Variants in CLEC18A observed in about 807,000 individuals in gnomAD.
CLEC18A encodes the protein mannose receptor-like 1.
CLEC18A carries 5 observed loss-of-function variants against 24.0 expected under a neutral mutation model. That is an observed-to-expected ratio of 0.21 (90% confidence interval 0.11 to 0.44). CLEC18A has a LOEUF of 0.44. Ranked by LOEUF, CLEC18A falls within the 20% of genes least tolerant of loss-of-function variation. The probability of loss-of-function intolerance (pLI) is 0.99; values close to 1 mark genes in which losing one functional copy is unlikely to be tolerated. For missense variants in CLEC18A, 83 were observed against 233.4 expected, an observed-to-expected ratio of 0.36 and a Z score of 4.20; for synonymous variants, 29 against 100.1, an observed-to-expected ratio of 0.29 and a Z score of 4.24.
At chr16:69,954,607 C>T in intron 3 of CLEC18A, 34 bp downstream of exon 3, 1 of 1,606,410 alleles carries the variant, frequency 6.2e-7, no homozygotes, top group Non-Finnish European at 8.5e-7. Flanking sequence ...AGTGTGCCAG[C>T]TCCCAGATAC....
At position 69,954,533 on chromosome 16, in the gene CLEC18A, G is replaced by T. The variant is rs763322283; in HGVS notation, c.416G>T (p.Gly139Val). ...AEGQRYSHAA[G>V]ECARNATCTH... Reference sequence around the variant, plus strand: ...GGGCAGCGGTACAGCCACGCGGCAGGAGAGTGTGCTCGCAACGCCACCTGC... The same window carrying T: ...GGGCAGCGGTACAGCCACGCGGCAGTAGAGTGTGCTCGCAACGCCACCTGC... Residue 139 changes from glycine to valine, a missense_variant, in exon 3 of 12, where the codon GGA (glycine) becomes GTA (valine). Gly to Val is a moderately radical substitution (Grantham distance 109). This residue lies in a region of CLEC18A where 71 missense variants were observed against 107.4 expected (regional missense o/e 0.66). Transcript: ENST00000288040. 3.3e-5 allele frequency: 53 copies of T among 1,612,680 alleles called. 2 individuals carry two copies. The highest frequency in any genetic ancestry group is 3.4e-6 in the Non-Finnish European group (4 of 1,179,442).
chr16:69,955,641 C>T (rs1165224158), intron 3 of CLEC18A, among the ~76,000 whole-genome samples: 15 of 148,310 alleles, frequency 1.0e-4, no homozygotes, highest in Non-Finnish European at 1.9e-4. Context: ...TGTGAGACAC[C>T]GCACCCAGCC....
rs551407231 is a variant in CLEC18A, at chr16:69,955,765, CT to C, written c.456+1194del. ...CCCGCTGTCCCTCCCTGGAGGGAAT[CT>C]TCCCAAAGTTCAGGAGCTGATATCA... On this transcript the variant is annotated intron_variant, in intron 3 of 11. Coordinates refer to ENST00000288040, the MANE Select transcript of CLEC18A (RefSeq NM_001370523.4). Among the ~76,000 whole-genome samples the C allele has an allele frequency of 2.9e-3, 301 of 105,446 alleles. 1 individual carries two copies. Among genetic ancestry groups the C allele is most frequent in the African/African-American group, 0.021 (272 of 13,070 alleles). The allele number at this position is 105,446 out of a possible 152,430, so 69.2% of individuals were successfully genotyped here.
chr16:69,954,969 G>A (rs1361851956), intron 3 of CLEC18A, among the ~76,000 whole-genome samples: 1 of 151,562 alleles, frequency 6.6e-6, no homozygotes, highest in Non-Finnish European at 1.5e-5. Context: ...CAAAGTGCTG[G>A]GATTACAGGC....
intron 3 of CLEC18A, among the ~76,000 whole-genome samples, chr16:69,957,641 C>A (rs2059054604): frequency 1.0e-5 from 1 of 100,482 alleles, no homozygotes; most frequent in African/African-American, 4.9e-5. Flanking sequence ...AATGTATGGT[C>A]CTCCTTTCTG....
intron 2 of CLEC18A, chr16:69,953,247 T>G (rs2058980615): frequency 6.6e-6 from 1 of 152,004 alleles, no homozygotes. Context: ...GAAGGTCTTG[T>G]GGGGGTGGAG....
the CLEC18A span, among the ~76,000 whole-genome samples, chr16:69,945,504 T>A: frequency 1.3e-5 from 2 of 152,288 alleles, no homozygotes; most frequent in African/African-American, 4.8e-5. Flanking sequence ...AATTTTGAGA[T>A]CCAGTTTTCA....
Sources: allele counts gnomAD v4.1 joint callset (sites outside exome capture counted in the v4.1 genomes callset), GRCh38; gene constraint gnomAD v4.1.1; regional missense constraint gnomAD v4.1.1; transcripts MANE v1.5; gene names NCBI Gene and HGNC (gene_info 2026-07-23, HGNC 2026-07-21).